The following FANCD2 variants were observed in gnomAD, a reference collection of about 807,000 sequenced individuals.
The protein encoded by FANCD2 is Fanconi anemia group D2 protein.
In FANCD2, 131 loss-of-function variants were observed where a neutral mutation model predicts 192.3. The observed-to-expected ratio is 0.68, with a 90% confidence interval of 0.59 to 0.79. The LOEUF (loss-of-function observed/expected upper bound fraction) is 0.79, where lower values mean the gene tolerates loss of function less well. Ranked by LOEUF, FANCD2 falls within the 30% of genes least tolerant of loss-of-function variation. The pLI, the probability that FANCD2 is intolerant of heterozygous loss-of-function variation, is 0.00. For synonymous variants in FANCD2, 524 were observed against 612.5 expected (o/e 0.86, Z 2.13); for missense variants, 1,508 against 1,701.6 (o/e 0.89, Z 2.00).
At chr3:10,077,211 C>A (rs1343638254) in intron 29 of FANCD2, among the ~76,000 whole-genome samples, 1 of 151,794 alleles carries the variant, frequency 6.6e-6, no homozygotes, top group Non-Finnish European at 1.5e-5. Flanking sequence ...CCAGCCTGAG[C>A]AACAGAGCGA....
intron 43 of FANCD2, 66 bp downstream of exon 43, chr3:10,098,881 G>A: frequency 1.2e-6 from 2 of 1,614,180 alleles, no homozygotes; most frequent in South Asian, 1.1e-5. Flanking sequence ...TTCTAAGTTG[G>A]TGGAGCAGAA....
At chr3:10,056,320 T>C (rs1248830128) in intron 18 of FANCD2, among the ~76,000 whole-genome samples, 1 of 152,166 alleles carries the variant, frequency 6.6e-6, no homozygotes, top group Non-Finnish European at 1.5e-5. Context: ...GTTTTCAGTT[T>C]TTTAGGGTGT....
In FANCD2 at chr3:10,096,386, T is replaced by C. The variant is rs762232434; in HGVS notation, c.4099T>C (p.Leu1367=). 2.5e-6 allele frequency: 4 copies of C among 1,613,980 alleles called. No individual in the cohort carries two copies. The East Asian group carries it at 6.7e-5, about 27-fold the overall frequency. ...VPLLKKTLEL[L]VCRVKAMLTL... is the part of the protein sequence containing the mutation. ...TCTGCTCAAAAAGACCCTGGAACTT[T>C]TAGTTTGCAGAGTCAAAGCTATGCT... Residue 1367 remains leucine, a synonymous_variant, in exon 42 of 44, where the codon TTA becomes CTA. Coordinates refer to ENST00000675286, the MANE Select transcript of FANCD2 (RefSeq NM_001018115.3).
intron 6 of FANCD2, among the ~76,000 whole-genome samples, chr3:10,035,723 A>G (rs1362107783): frequency 6.6e-6 from 1 of 152,050 alleles, no homozygotes; most frequent in Non-Finnish European, 1.5e-5. Context: ...CCTACTGTTA[A>G]TCTTTTCACA....
At chr3:10,090,528 C>T (rs535842006) in intron 37 of FANCD2, 143 bp downstream of exon 37, 21 of 571,890 alleles carry the variant, frequency 3.7e-5, no homozygotes, top group South Asian at 1.7e-4. Flanking sequence ...GGCATGATCT[C>T]GGCTCACTGC....
chr3:10,051,405 AAACAAAAAGGAGT>A (rs1385307724), intron 17 of FANCD2, among the ~76,000 whole-genome samples: 3 of 10,376 alleles, frequency 2.9e-4, no homozygotes, highest in Non-Finnish European at 4.5e-4. Context: ...AAAAAAAAAA[AAACAAAAAGGAGT>A]GAGGGATTTA....
chr3:10,031,029 G>A (rs2086579059), intron 2 of FANCD2, among the ~76,000 whole-genome samples: 1 of 152,176 alleles, frequency 6.6e-6, no homozygotes, highest in South Asian at 2.1e-4. Context: ...GAAAGTAAAT[G>A]TTATACTTTG....
rs145938983 is a variant in FANCD2, at chr3:10,058,647, A to G, written c.1657-1647A>G. 9.8e-4 allele frequency among the ~76,000 whole-genome samples: 149 copies of G among 152,250 alleles called. No homozygotes were observed. In the East Asian group the frequency reaches 0.021, roughly 22 times the overall value. ...ACTTTGGCACCCTTGTCAAAAATCA[A>G]TTTGTCACATATATGAAGGCTTATC... On this transcript the variant is annotated intron_variant, in intron 18 of 43. Coordinates refer to ENST00000675286, the MANE Select transcript of FANCD2 (RefSeq NM_001018115.3).
intron 9 of FANCD2, chr3:10,041,170 A>G (rs2086854861): frequency 4.9e-6 from 1 of 205,294 alleles, no homozygotes; most frequent in East Asian, 1.4e-4. Flanking sequence ...ACTGTACTCA[A>G]GCCTGGGCAT....
intron 30 of FANCD2, among the ~76,000 whole-genome samples, chr3:10,079,113 G>C (rs575197743): frequency 6.6e-6 from 1 of 151,880 alleles, no homozygotes; most frequent in African/African-American, 2.4e-5. Flanking sequence ...GTATGGTGGC[G>C]CATGCTTGTA....
In FANCD2 at chr3:10,098,997, C is replaced by T. The variant is rs1468507842; in HGVS notation, c.4281+182C>T. 2.5e-6 allele frequency: 4 copies of T among 1,613,820 alleles called. No homozygotes were observed. The South Asian group carries it at 3.3e-5, about 13-fold the overall frequency. On this transcript the variant is annotated intron_variant, in intron 43 of 43. Coordinates refer to ENST00000675286, the MANE Select transcript of FANCD2 (RefSeq NM_001018115.3). ...TTTTGGGACCCAGAAGAAACAACGA[C>T]ACAATCTTAGAATCACTCCTGAGTA...
Position 10,095,475 on chromosome 3 carries a change from G to C in FANCD2, c.4038+201G>C, listed in dbSNP as rs545571165. On this transcript the variant is annotated intron_variant, in intron 41 of 43. Transcript: ENST00000675286. ...AGGGGAATCTCCGCATCTGAAATTTGATTCAAACTCCAAAGCTCTTTTTCC... is the reference window on the plus strand; with the variant it reads ...AGGGGAATCTCCGCATCTGAAATTTCATTCAAACTCCAAAGCTCTTTTTCC... 2.3e-5 allele frequency: 14 copies of C among 601,552 alleles called. No individual in the cohort carries two copies. In the South Asian group the frequency reaches 2.7e-4, roughly 12 times the overall value. The allele number at this position is 601,552 out of a possible 1,614,324, so 37.3% of individuals were successfully genotyped here. A position where few individuals can be genotyped will look rare whatever the true frequency, so the allele number is the denominator to read the frequency against.
intron 2 of FANCD2, 124 bp from the exon 3 acceptor site, chr3:10,032,708 G>T (rs2086633343): frequency 1.3e-6 from 1 of 785,924 alleles, no homozygotes; most frequent in East Asian, 2.5e-5. Context: ...TTTCACTACA[G>T]CATCAATCCT....
In FANCD2 at chr3:10,064,416, G is replaced by A. The variant is rs1321260883; in HGVS notation, c.2008G>A (p.Val670Ile). ...GGATGCCTTCGTAGTGGACTCCTGT[G>A]TTGTTCCGGAAGGGTAGGTATTGTT... ...FQDAFVVDSC[V>I]VPEGDFPFPV... is the part of the protein sequence containing the mutation. The change falls in exon 22 of 44, where the codon GTT becomes ATT. Residue 670 changes from valine (V) to isoleucine (I), a missense_variant. Coordinates refer to ENST00000675286, the MANE Select transcript of FANCD2 (RefSeq NM_001018115.3). 2 of 1,613,620 alleles carry A rather than the reference G, an allele frequency of 1.2e-6. No individual in the cohort carries two copies. The highest frequency in any genetic ancestry group is 1.7e-6 in the Non-Finnish European group (2 of 1,179,660).
intron 11 of FANCD2, 86 bp downstream of exon 11, chr3:10,042,749 G>GAC: frequency 9.8e-7 from 1 of 1,023,718 alleles, no homozygotes; most frequent in African/African-American, 1.6e-5. Context: ...TGAGAATACT[G>GAC]ACTAATCCGG....
chr3:10,099,380 T>C (rs568811940), intron 43 of FANCD2: 1 of 1,128,230 alleles, frequency 8.9e-7, no homozygotes, highest in Non-Finnish European at 1.1e-6. Flanking sequence ...CCTAGCACTT[T>C]TTGAGGCCAA....
intron 30 of FANCD2, among the ~76,000 whole-genome samples, chr3:10,080,277 A>G (rs1484952422): frequency 6.6e-6 from 1 of 152,082 alleles, no homozygotes; most frequent in South Asian, 2.1e-4. Context: ...TCTGTTGCCC[A>G]GGCTGGAGTG....
intron 32 of FANCD2, 192 bp downstream of exon 32, chr3:10,081,656 A>C: frequency 1.6e-6 from 1 of 628,324 alleles, no homozygotes; most frequent in Non-Finnish European, 2.9e-6. Flanking sequence ...CTTTGGAGCC[A>C]CTATGTTAAC....
chr3:10,056,604 T>G (rs2087420224), intron 18 of FANCD2, among the ~76,000 whole-genome samples: 1 of 152,176 alleles, frequency 6.6e-6, no homozygotes, highest in Non-Finnish European at 1.5e-5. Flanking sequence ...TGATCATACT[T>G]CACTGCAGCC....
Sources: allele counts gnomAD v4.1 joint callset (sites outside exome capture counted in the v4.1 genomes callset), GRCh38; gene constraint gnomAD v4.1.1; transcripts MANE v1.5; gene names NCBI Gene and HGNC (gene_info 2026-07-23, HGNC 2026-07-21).